Variants in NUS1 observed in about 807,000 individuals in gnomAD.
NUS1 encodes the protein NUS1 dehydrodolichyl diphosphate synthase subunit, also known as dehydrodolichyl diphosphate synthase complex subunit NUS1.
For missense variants in NUS1, 292 were observed against 382.9 expected, an observed-to-expected ratio of 0.76 and a Z score of 1.98; for synonymous variants, 135 against 155.2, an observed-to-expected ratio of 0.87 and a Z score of 0.97.
intron 1 of NUS1, among the ~76,000 whole-genome samples, chr6:117,687,026 A>G (rs1773151374): frequency 6.6e-6 from 1 of 151,708 alleles, no homozygotes; most frequent in Non-Finnish European, 1.5e-5. Context: ...TCTTATCTAC[A>G]CTCTTAGCAA....
intron 4 of NUS1, 130 bp from the exon 5 acceptor site, chr6:117,706,795 A>T (rs979892741): frequency 4.3e-6 from 3 of 694,728 alleles, no homozygotes; most frequent in Non-Finnish European, 7.8e-6. Context: ...CGTGCCTGTC[A>T]TGGTGCTGTC....
chr6:117,696,345 A>G (rs1224505056), intron 3 of NUS1, among the ~76,000 whole-genome samples: 1 of 152,172 alleles, frequency 6.6e-6, no homozygotes, highest in African/African-American at 2.4e-5. Context: ...GAGATGGGTT[A>G]CAAAGTTTAT....
At chr6:117,679,469 A>G (rs143698908) in intron 1 of NUS1, among the ~76,000 whole-genome samples, 57 of 152,350 alleles carry the variant, frequency 3.7e-4, no homozygotes, top group African/African-American at 1.3e-3. Context: ...CTGGTTACCT[A>G]CTGCTTTGTA....
intron 1 of NUS1, among the ~76,000 whole-genome samples, chr6:117,677,702 C>G (rs1773004055): frequency 6.6e-6 from 1 of 152,220 alleles, no homozygotes; most frequent in South Asian, 2.1e-4. Flanking sequence ...AGCCTGTCAT[C>G]ACCAAATGAT....
chr6:117,678,262 T>A (rs1773011900), intron 1 of NUS1, among the ~76,000 whole-genome samples: 1 of 152,226 alleles, frequency 6.6e-6, no homozygotes, highest in Non-Finnish European at 1.5e-5. Flanking sequence ...TTGTTTTTTT[T>A]AAAAGAATAA....
At chr6:117,685,672 T>C (rs1388988388) in intron 1 of NUS1, among the ~76,000 whole-genome samples, 4 of 152,176 alleles carry the variant, frequency 2.6e-5, no homozygotes, top group Non-Finnish European at 4.4e-5. Context: ...TTTTTCTTTA[T>C]ATTTCATATA....
At chr6:117,678,656 TTTAG>T (rs1582463160) in intron 1 of NUS1, among the ~76,000 whole-genome samples, 1 of 151,744 alleles carries the variant, frequency 6.6e-6, no homozygotes, top group East Asian at 1.9e-4. Context: ...GTAAGCTTTA[TTTAG>T]TGTTTCTTTT....
intron 3 of NUS1, among the ~76,000 whole-genome samples, chr6:117,700,305 A>C (rs1773388310): frequency 6.6e-6 from 1 of 152,228 alleles, no homozygotes; most frequent in Non-Finnish European, 1.5e-5. Context: ...AAAAAGATCT[A>C]ATCTGATTTT....
chr6:117,692,139 C>T (rs1240197382), intron 1 of NUS1, among the ~76,000 whole-genome samples: 2 of 151,982 alleles, frequency 1.3e-5, no homozygotes, highest in East Asian at 3.9e-4. Context: ...ACAAAGAGAA[C>T]TGGTTTGATG....
chr6:117,695,292 A>G (rs1332907576), intron 3 of NUS1, among the ~76,000 whole-genome samples: 1 of 151,104 alleles, frequency 6.6e-6, no homozygotes, highest in Non-Finnish European at 1.5e-5. Context: ...CCACTTTGAC[A>G]TGTGTCCGTC....
chr6:117,696,184 C>G (rs1438044865), intron 3 of NUS1, among the ~76,000 whole-genome samples: 2 of 151,818 alleles, frequency 1.3e-5, no homozygotes, highest in African/African-American at 4.8e-5. Context: ...CAGAATTGAT[C>G]AAGCAGAAGA....
At chr6:117,682,541 C>T (rs1773076446) in intron 1 of NUS1, among the ~76,000 whole-genome samples, 3 of 152,196 alleles carry the variant, frequency 2.0e-5, no homozygotes, top group Non-Finnish European at 4.4e-5. Context: ...GTTGGGGCTA[C>T]AGTGAACCAT....
intron 1 of NUS1, among the ~76,000 whole-genome samples, chr6:117,692,563 T>C (rs1773238352): frequency 6.6e-6 from 1 of 152,152 alleles, no homozygotes; most frequent in Non-Finnish European, 1.5e-5. Flanking sequence ...GTAATCCTTA[T>C]TACTTCCTCT....
intron 3 of NUS1, among the ~76,000 whole-genome samples, chr6:117,701,931 G>C (rs1306327642): frequency 6.6e-6 from 1 of 152,072 alleles, no homozygotes; most frequent in East Asian, 1.9e-4. Flanking sequence ...GTTATGCTTA[G>C]ATACCTTAAA....
Position 117,707,931 on chromosome 6 carries a change from G to T in NUS1, c.*916G>T, listed in dbSNP as rs1773523875. Reference sequence around the variant, plus strand: ...TTTTATTTCCTTTTTTGTTTGATGGGCAGTATGCCATATTATACCCAAAGT... The same window carrying T: ...TTTTATTTCCTTTTTTGTTTGATGGTCAGTATGCCATATTATACCCAAAGT... On this transcript the variant is annotated 3_prime_UTR_variant, in exon 5 of 5. Coordinates refer to ENST00000368494, the MANE Select transcript of NUS1 (RefSeq NM_138459.5). The T allele has an allele frequency of 6.6e-6, 1 of 152,178 alleles. No individual in the cohort carries two copies. The highest frequency in any genetic ancestry group is 1.5e-5 in the Non-Finnish European group (1 of 68,018). The allele number at this position is 152,178 out of a possible 1,614,324, so 9.4% of individuals were successfully genotyped here.
intron 3 of NUS1, among the ~76,000 whole-genome samples, chr6:117,699,496 C>CA (rs1773371290): frequency 6.6e-6 from 1 of 151,804 alleles, no homozygotes; most frequent in South Asian, 2.1e-4. Context: ...GGAGGACAGC[C>CA]AAAAAATGTA....
At chr6:117,690,886 A>G (rs980072930) in intron 1 of NUS1, among the ~76,000 whole-genome samples, 3 of 148,012 alleles carry the variant, frequency 2.0e-5, no homozygotes, top group Middle Eastern at 3.3e-3. Context: ...CCAGCTACTC[A>G]GGAGAATCGC....
At chr6:117,678,325 C>G (rs1026607500) in intron 1 of NUS1, among the ~76,000 whole-genome samples, 3 of 151,990 alleles carry the variant, frequency 2.0e-5, no homozygotes, top group Non-Finnish European at 4.4e-5. Context: ...GGTTTTGATT[C>G]GTTCATACAT....
chr6:117,699,053 G>A (rs1773361343), intron 3 of NUS1, among the ~76,000 whole-genome samples: 1 of 152,110 alleles, frequency 6.6e-6, no homozygotes, highest in African/African-American at 2.4e-5. Flanking sequence ...CTATCTTTCT[G>A]AATGGGGAAA....
Sources: allele counts gnomAD v4.1 joint callset (sites outside exome capture counted in the v4.1 genomes callset), GRCh38; gene constraint gnomAD v4.1.1; transcripts MANE v1.5; gene names NCBI Gene and HGNC (gene_info 2026-07-23, HGNC 2026-07-21).